HIPK4: variants seen among roughly 807,000 people sequenced by gnomAD.
HIPK4 encodes homeodomain-interacting protein kinase 4.
In HIPK4, 26 loss-of-function variants were observed where a neutral mutation model predicts 44.8. The ratio of observed to expected loss-of-function variants is 0.58; its 90% confidence interval spans 0.43 to 0.80. The LOEUF (loss-of-function observed/expected upper bound fraction) is 0.80, where lower values mean the gene tolerates loss of function less well. Ranked by LOEUF, HIPK4 falls within the 30% of genes least tolerant of loss-of-function variation. The pLI, the probability that HIPK4 is intolerant of heterozygous loss-of-function variation, is 0.00. For missense variants in HIPK4, 729 were observed against 862.6 expected (o/e 0.85, Z 1.94); for synonymous variants, 340 against 355.5 (o/e 0.96, Z 0.49).
At chr19:40,388,626 T>C (rs990078240) in intron 1 of HIPK4, among the ~76,000 whole-genome samples, 4 of 152,194 alleles carry the variant, frequency 2.6e-5, no homozygotes, top group African/African-American at 9.7e-5. Flanking sequence ...TGGCAAGCAT[T>C]CATTTAGCAC....
intron 2 of HIPK4, 87 bp from the exon 3 acceptor site, chr19:40,381,255 C>A: frequency 9.1e-7 from 1 of 1,100,318 alleles, no homozygotes. Flanking sequence ...CACATGTAGC[C>A]CCGACTTCCA....
chr19:40,384,127 C>T lies in HIPK4; in HGVS notation c.478G>A (p.Gly160Arg), dbSNP rs2079351953. 1.9e-6 allele frequency: 3 copies of T among 1,579,584 alleles called. No individual in the cohort carries two copies. Among genetic ancestry groups the T allele is most frequent in the African/African-American group, 1.3e-5 (1 of 74,572 alleles). Residue 160 changes from glycine (G) to arginine (R), a missense_variant, in exon 2 of 4, where the codon GGA becomes AGA. Transcript: ENST00000291823. ...ACCTCGCTGAAAATGCTGGCGGATC[C>T]GAAGTCAATCACCTGTCGGGGGTGG... is the stretch of plus-strand genomic sequence containing the variant. ...CPFRVKVIDF[G>R]SASIFSEVRY...
rs1192129500 is a variant in HIPK4, at chr19:40,387,562, G to A, written c.465+1876C>T. 1.2e-4 allele frequency among the ~76,000 whole-genome samples: 18 copies of A among 151,240 alleles called. No individual in the cohort carries two copies. In the East Asian group the frequency reaches 3.0e-3, roughly 25 times the overall value. On this transcript the variant is annotated intron_variant, in intron 1 of 3. Transcript: ENST00000291823. Reference sequence around the variant, plus strand: ...ATGATCTCGGCTCACTGCAACCTCCGCCCCCATATGGGTTCAAGCGATTCT... The same window carrying A: ...ATGATCTCGGCTCACTGCAACCTCCACCCCCATATGGGTTCAAGCGATTCT...
Position 40,384,052 on chromosome 19 carries a change from C to G in HIPK4, c.553G>C (p.Glu185Gln). 1 of 1,613,902 alleles carries G rather than the reference C, an allele frequency of 6.2e-7. No individual in the cohort carries two copies. Among genetic ancestry groups the G allele is most frequent in the Non-Finnish European group, 8.5e-7 (1 of 1,179,810 alleles). The change falls in exon 2 of 4, where the codon GAG becomes CAG. Residue 185 changes from glutamate (E) to glutamine (Q), a missense_variant. Transcript: ENST00000291823. ...YIQSRFYRAP[E>Q]ILLGLPFCEK... ...CAGAAGGGCAGCCCCAGCAGGATCT[C>G]AGGGGCCCGGTAGAAGCGCGACTGG...
rs1409407945 is a variant in HIPK4, at chr19:40,380,267, G to A, written c.1668+56C>T. 1.3e-6 allele frequency: 2 copies of A among 1,576,710 alleles called. No homozygotes were observed. Among genetic ancestry groups the A allele is most frequent in the African/African-American group, 2.7e-5 (2 of 74,290 alleles). On this transcript the variant is annotated intron_variant, in intron 3 of 3. Transcript: ENST00000291823. The surrounding 1 kb of genome is among the most constrained non-coding windows in gnomAD (Gnocchi z 4.2). Reference sequence around the variant, plus strand: ...CACTAATCATATCCTGAGCACGGGTGAGTGTGTGCTGAGCCTCCTCCCACC... The same window carrying A: ...CACTAATCATATCCTGAGCACGGGTAAGTGTGTGCTGAGCCTCCTCCCACC...
chr19:40,379,632 G>T lies in HIPK4; in HGVS notation c.1806C>A (p.Pro602=). Residue 602 remains proline (P), a synonymous_variant, in exon 4 of 4, where the codon CCC becomes CCA. Transcript: ENST00000291823. ...GCTGGAGGAAGCTGGTGGCCCCCCG[G>T]GGTGGACCATGCTGGTGGGAGCGGC... ...PPRRSHQHGP[P]RGATSFLQHV... is the part of the protein sequence containing the mutation. 1 of 1,555,432 alleles carries T rather than the reference G, an allele frequency of 6.4e-7. No individual in the cohort carries two copies. Among genetic ancestry groups the T allele is most frequent in the East Asian group, 2.4e-5 (1 of 41,186 alleles).
At chr19:40,379,847 T>G in intron 3 of HIPK4, 78 bp from the exon 4 acceptor site, 3 of 1,401,786 alleles carry the variant, frequency 2.1e-6, no homozygotes, top group Non-Finnish European at 2.9e-6. Context: ...CACCTCCTCC[T>G]GATGAGGGTG....
At chr19:40,383,755 G>C in intron 2 of HIPK4, 28 bp downstream of exon 2, 1 of 1,558,790 alleles carries the variant, frequency 6.4e-7, no homozygotes, top group Non-Finnish European at 8.8e-7. Context: ...CCCCCACACT[G>C]ACTGCCCTCA....
rs368714125 is a variant in HIPK4, at chr19:40,381,159, A to G, written c.832T>C (p.Leu278=). Residue 278 remains leucine, a synonymous_variant, in exon 3 of 4, where the codon TTG becomes CTG. Transcript: ENST00000291823. Reference sequence around the variant, plus strand: ...TTGAGCATATACTTGCGGCGCTCCAATGGGCGCACCTGGCGGGGCATGGAG... The same window carrying G: ...TTGAGCATATACTTGCGGCGCTCCAGTGGGCGCACCTGGCGGGGCATGGAG... ...DYLAETKVRP[L]ERRKYMLKSL... 2.7e-5 allele frequency: 43 copies of G among 1,594,524 alleles called. No individual in the cohort carries two copies. The highest frequency in any genetic ancestry group is 6.7e-5 in the African/African-American group (5 of 74,948).
At chr19:40,385,751 A>T (rs1224714345) in intron 1 of HIPK4, among the ~76,000 whole-genome samples, 1 of 119,860 alleles carries the variant, frequency 8.3e-6, no homozygotes, top group Non-Finnish European at 1.6e-5. Flanking sequence ...CTTGTCACCC[A>T]GGCTGGAGTG....
intron 1 of HIPK4, among the ~76,000 whole-genome samples, chr19:40,387,070 G>A (rs573952157): frequency 6.6e-6 from 1 of 152,104 alleles, no homozygotes; most frequent in South Asian, 2.1e-4. Flanking sequence ...ACCCAGGCTG[G>A]TCTTGAACTC....
Position 40,379,552 on chromosome 19 carries a change from G to A in HIPK4, c.*35C>T, listed in dbSNP as rs370437698. ...GGGAGGGAATGCCAGCCCAGCTAGC[G>A]CAGCCCCCAGTGATGGGCAGGGGTG... On this transcript the variant is annotated 3_prime_UTR_variant, in exon 4 of 4. Coordinates refer to ENST00000291823, the MANE Select transcript of HIPK4 (RefSeq NM_144685.5). The A allele has an allele frequency of 3.3e-5, 49 of 1,468,928 alleles. No homozygotes were observed. In the African/African-American group the frequency reaches 5.6e-4, roughly 17 times the overall value. The allele number at this position is 1,468,928 out of a possible 1,614,324, so 91.0% of individuals were successfully genotyped here.
rs147334390 is a variant in HIPK4 at position 40,380,949 on chromosome 19, A to T, written c.1042T>A (p.Ser348Thr). Residue 348 changes from serine (S) to threonine (T), a missense_variant, in exon 3 of 4, where the codon TCC becomes ACC. Ser to Thr is a moderately conservative substitution (Grantham distance 58). Coordinates refer to ENST00000291823, the MANE Select transcript of HIPK4 (RefSeq NM_144685.5). The surrounding 1 kb of genome is among the most constrained non-coding windows in gnomAD (Gnocchi z 4.2). The stretch of plus-strand genomic sequence containing the variant: ...TGGGCACTGCGCAGCTGCTGCATGG[A>T]CACGAAGGGGTGGCGCAGGGCAGCA... ...PSAALRHPFV[S>T]MQQLRSAHET... 5.3e-5 allele frequency: 85 copies of T among 1,611,406 alleles called. No homozygotes were observed. The highest frequency in any genetic ancestry group is 4.5e-4 in the South Asian group (41 of 91,056).
Position 40,380,500 on chromosome 19 carries a change from G to A in HIPK4, c.1491C>T (p.Ser497=), listed in dbSNP as rs201520943. The A allele has an allele frequency of 2.5e-5, 40 of 1,612,662 alleles. No homozygotes were observed. Among genetic ancestry groups the A allele is most frequent in the Middle Eastern group, 1.6e-4 (1 of 6,082 alleles). ...GAATGAGGTTGCTGAAGTTGGAGTC[G>A]GACTTGGAACCCGCAGGTGGCTTGC... The part of the protein sequence containing the change: ...KARKPPAGSK[S]DSNFSNLIRL... Residue 497 remains serine, a synonymous_variant, in exon 3 of 4, where the codon TCC becomes TCT. Coordinates refer to ENST00000291823, the MANE Select transcript of HIPK4 (RefSeq NM_144685.5). The surrounding 1 kb of genome is among the most constrained non-coding windows in gnomAD (Gnocchi z 4.2).
At chr19:40,385,029 T>C (rs2079356546) in intron 1 of HIPK4, among the ~76,000 whole-genome samples, 1 of 152,180 alleles carries the variant, frequency 6.6e-6, no homozygotes, top group South Asian at 2.1e-4. Flanking sequence ...GTTAGGACCC[T>C]ATTCTTCCTC....
rs1159093627 is a variant in HIPK4 at position 40,390,146 on chromosome 19, C to G, written c.-244G>C. 3.7e-6 allele frequency: 2 copies of G among 545,670 alleles called. No individual in the cohort carries two copies. The highest frequency in any genetic ancestry group is 3.8e-5 in the African/African-American group (2 of 53,100). The allele number at this position is 545,670 out of a possible 1,614,324, so 33.8% of individuals were successfully genotyped here. A position where few individuals can be genotyped will look rare whatever the true frequency, so the allele number is the denominator to read the frequency against. Reference sequence around the variant, plus strand: ...CCCTCCTGGCTTGGGATGAGGGGCCCCAGGCCCCACCGAATGGGTTCCAGC... The same window carrying G: ...CCCTCCTGGCTTGGGATGAGGGGCCGCAGGCCCCACCGAATGGGTTCCAGC... On this transcript the variant is annotated 5_prime_UTR_variant, in exon 1 of 4. Transcript: ENST00000291823.
At position 40,386,054 on chromosome 19, in the gene HIPK4, A is replaced by C. The variant is rs144028916; in HGVS notation, c.466-1915T>G. ...CACACACTATATCTCTTAATTTTTT[A>C]TTTTAATTTTATTTTTTAATTATTT... is the stretch of plus-strand genomic sequence containing the variant. On this transcript the variant is annotated intron_variant, in intron 1 of 3. Coordinates refer to ENST00000291823, the MANE Select transcript of HIPK4 (RefSeq NM_144685.5). 2.6e-3 allele frequency among the ~76,000 whole-genome samples: 387 copies of C among 150,366 alleles called. 7 individuals are homozygous for C. Among genetic ancestry groups the C allele is most frequent in the African/African-American group, 8.9e-3 (363 of 40,976 alleles).
chr19:40,379,872 T>A, intron 3 of HIPK4, 103 bp from the exon 4 acceptor site: 2 of 1,235,664 alleles, frequency 1.6e-6, no homozygotes, highest in South Asian at 2.9e-5. Context: ...TGTGCTAGGG[T>A]CTTACCAGTG....
chr19:40,380,425 G>C lies in HIPK4; in HGVS notation c.1566C>G (p.Ser522Arg), dbSNP rs780002750. 8.1e-6 allele frequency: 13 copies of C among 1,614,188 alleles called. No homozygotes were observed. The highest frequency in any genetic ancestry group is 5.9e-6 in the Non-Finnish European group (7 of 1,180,036). ...CCCCGAGATGCTCTCCTTCCTCCCAGCTGCTGCCCCGGCAGGGCCTGTCAT... is the reference window on the plus strand; with the variant it reads ...CCCCGAGATGCTCTCCTTCCTCCCACCTGCTGCCCCGGCAGGGCCTGTCAT... ...PEDDRPCRGSSWEEGEHLGAS... is the reference protein window; with the variant it reads ...PEDDRPCRGSRWEEGEHLGAS... The change falls in exon 3 of 4, where the codon AGC becomes AGG. Residue 522 changes from serine to arginine, a missense_variant. Ser to Arg is a moderately radical substitution (Grantham distance 110). Coordinates refer to ENST00000291823, the MANE Select transcript of HIPK4 (RefSeq NM_144685.5). This position sits in a 1 kb window ranked among gnomAD's most constrained non-coding sequence, Gnocchi z 4.2.
Sources: allele counts gnomAD v4.1 joint callset (sites outside exome capture counted in the v4.1 genomes callset), GRCh38; gene constraint gnomAD v4.1.1; non-coding constraint Gnocchi (gnomAD v3.1); transcripts MANE v1.5; gene names NCBI Gene and HGNC (gene_info 2026-07-23, HGNC 2026-07-21).